The following NPTN variants were observed in gnomAD, a reference collection of about 807,000 sequenced individuals.
The protein encoded by NPTN is neuroplastin, also known as SDR-1.
In NPTN, 5 loss-of-function variants were observed where a neutral mutation model predicts 42.7. That is an observed-to-expected ratio of 0.12 (90% CI 0.06 to 0.25). The LOEUF (loss-of-function observed/expected upper bound fraction) is 0.25. NPTN is among the 10% of genes least tolerant of loss of function. The pLI is 1.00. For missense variants in NPTN, 307 were observed against 525.4 expected (o/e 0.58, Z 4.06); for synonymous variants, 180 against 201.9 (o/e 0.89, Z 0.92).
At position 73,569,577 on chromosome 15, in the gene NPTN, G is replaced by A. The variant is rs1375852887; in HGVS notation, c.1114+573C>T. On this transcript the variant is annotated intron_variant, in intron 6 of 8. Coordinates refer to ENST00000345330, the MANE Select transcript of NPTN (RefSeq NM_012428.4). This position sits in a 1 kb window ranked among gnomAD's most constrained non-coding sequence, Gnocchi z 4.1. ...GGAAAGCCACCCAGCAGAGAGCGCT[G>A]GAAACCTATCAAAGGGACCAACCAA... 7 of 985,306 alleles carry A rather than the reference G, an allele frequency of 7.1e-6. No homozygotes were observed. The highest frequency in any genetic ancestry group is 4.7e-5 in the South Asian group (1 of 21,290). 61.0% of individuals were successfully genotyped at this position (985,306 alleles called of 1,614,324 possible). A position where few individuals can be genotyped will look rare whatever the true frequency, so the allele number is the denominator to read the frequency against.
chr15:73,605,029 T>A (rs1421030013), intron 1 of NPTN, among the ~76,000 whole-genome samples: 1 of 149,900 alleles, frequency 6.7e-6, no homozygotes, highest in Non-Finnish European at 1.5e-5. Context: ...GCCTGAGAGG[T>A]TGAGGCTGCA....
chr15:73,564,983 C>T (rs1169742504), intron 6 of NPTN, among the ~76,000 whole-genome samples: 2 of 152,200 alleles, frequency 1.3e-5, no homozygotes, highest in East Asian at 3.9e-4. Flanking sequence ...TAGGCACCAA[C>T]CCAAGCACCT....
In NPTN at chr15:73,587,810, C is replaced by T. The variant is rs191400318; in HGVS notation, c.612-192G>A. 3.5e-4 allele frequency among the ~76,000 whole-genome samples: 54 copies of T among 152,162 alleles called. No homozygotes were observed. Among genetic ancestry groups the T allele is most frequent in the Non-Finnish European group, 7.4e-4 (50 of 68,008 alleles). On this transcript the variant is annotated intron_variant, in intron 3 of 8. Transcript: ENST00000345330. ...TAATGTCTTGCTCTTTTCCAGGTGC[C>T]AAGAATACAAAGATGGAATGGCAAC...
At chr15:73,612,395 G>C (rs1452798315) in intron 1 of NPTN, among the ~76,000 whole-genome samples, 1 of 147,098 alleles carries the variant, frequency 6.8e-6, no homozygotes, top group African/African-American at 2.5e-5. Flanking sequence ...CTCTAACCTA[G>C]GCCCACAGAG....
At chr15:73,602,963 A>G (rs74026221) in intron 1 of NPTN, among the ~76,000 whole-genome samples, 1 of 152,354 alleles carries the variant, frequency 6.6e-6, no homozygotes, top group African/African-American at 2.4e-5. Context: ...CATCTATACC[A>G]GCCAGCCTTC....
chr15:73,605,099 A>G (rs1449263603), intron 1 of NPTN, among the ~76,000 whole-genome samples: 3 of 121,686 alleles, frequency 2.5e-5, no homozygotes, highest in African/African-American at 1.1e-4. Flanking sequence ...CCCTGTCTCA[A>G]GGGGGGGGGG....
intron 1 of NPTN, among the ~76,000 whole-genome samples, chr15:73,613,569 T>TAA (rs1468338445): frequency 6.6e-6 from 1 of 151,112 alleles, no homozygotes; most frequent in African/African-American, 2.4e-5. Context: ...AAACTCTGGT[T>TAA]AAAAAAAAAC....
intron 1 of NPTN, among the ~76,000 whole-genome samples, chr15:73,630,711 G>C (rs1898690059): frequency 6.6e-6 from 1 of 152,114 alleles, no homozygotes; most frequent in South Asian, 2.1e-4. Context: ...CATTTAAATA[G>C]AAAATCTAAC....
At chr15:73,561,400 G>A (rs1022703428) in intron 8 of NPTN, among the ~76,000 whole-genome samples, 5 of 152,130 alleles carry the variant, frequency 3.3e-5, no homozygotes, top group South Asian at 2.1e-4. Flanking sequence ...ACCTGATGGC[G>A]GGGCACACTG....
chr15:73,571,451 TAAG>T (rs1895378439), intron 5 of NPTN, among the ~76,000 whole-genome samples: 1 of 152,116 alleles, frequency 6.6e-6, no homozygotes, highest in African/African-American at 2.4e-5. Flanking sequence ...AGGAATGTGT[TAAG>T]AAGCCCCAAC....
rs368867948 is a variant in NPTN, at chr15:73,573,774, T to C, written c.728A>G (p.His243Arg). 11 of 1,604,234 alleles carry C rather than the reference T, an allele frequency of 6.9e-6. No individual in the cohort carries two copies. The highest frequency in any genetic ancestry group is 1.7e-5 in the Admixed American group (1 of 58,422). The change falls in exon 5 of 9, where the codon CAT (histidine) becomes CGT (arginine). Residue 243 changes from histidine to arginine, a missense_variant. Around this residue, in one of 2 missense-constraint regions of NPTN, gnomAD observed 264 missense variants for 491.1 expected, o/e 0.54. Coordinates refer to ENST00000345330, the MANE Select transcript of NPTN (RefSeq NM_012428.4). ...EVKAAPDITG[H>R]KRSENKNEGQ... ...TTCATTCTTGTTCTCACTCCGTTTATGGCCAGTGATGTCAGGAGCGGCTGT... is the reference window on the plus strand; with the variant it reads ...TTCATTCTTGTTCTCACTCCGTTTACGGCCAGTGATGTCAGGAGCGGCTGT...
chr15:73,610,924 T>TA (rs1279762117), intron 1 of NPTN, among the ~76,000 whole-genome samples: 2 of 151,964 alleles, frequency 1.3e-5, no homozygotes, highest in African/African-American at 2.4e-5. Flanking sequence ...TTTCTCAATT[T>TA]AAAAAAAATT....
At chr15:73,567,953 T>C (rs768978654) in intron 6 of NPTN, 133 of 985,338 alleles carry the variant, frequency 1.3e-4, no homozygotes, top group Non-Finnish European at 1.6e-4. Context: ...TACCCTGCCG[T>C]CATCTCTTTT....
chr15:73,582,315 T>G (rs1407603587), intron 4 of NPTN, among the ~76,000 whole-genome samples: 1 of 152,188 alleles, frequency 6.6e-6, no homozygotes, highest in African/African-American at 2.4e-5. Context: ...CCTATCTTTG[T>G]GGTGGACAAA....
chr15:73,581,744 G>A (rs1459818671), intron 4 of NPTN, among the ~76,000 whole-genome samples: 3 of 152,136 alleles, frequency 2.0e-5, no homozygotes, highest in Non-Finnish European at 4.4e-5. Flanking sequence ...ATGGAGGCAC[G>A]TTTCAGATGA....
chr15:73,592,956 G>C (rs1227935008), intron 2 of NPTN, among the ~76,000 whole-genome samples: 1 of 152,106 alleles, frequency 6.6e-6, no homozygotes, highest in African/African-American at 2.4e-5. Flanking sequence ...ATTTGTGCAA[G>C]GCCGTAAGTA....
At chr15:73,626,091 C>T (rs1042246559) in intron 1 of NPTN, among the ~76,000 whole-genome samples, 3 of 152,148 alleles carry the variant, frequency 2.0e-5, no homozygotes, top group African/African-American at 7.2e-5. Flanking sequence ...GAAACTAACT[C>T]ATATATAGAA....
chr15:73,567,797 G>A (rs1365872376), intron 6 of NPTN: 1 of 985,412 alleles, frequency 1.0e-6, no homozygotes, highest in East Asian at 1.1e-4. Context: ...CACACTGGCT[G>A]TCAGGAAGGG....
At chr15:73,564,949 T>G (rs185710509) in intron 6 of NPTN, among the ~76,000 whole-genome samples, 45 of 152,308 alleles carry the variant, frequency 3.0e-4, no homozygotes, top group Admixed American at 1.9e-3. Flanking sequence ...ATAGCCAGGC[T>G]AATCTTTTCA....
Sources: allele counts gnomAD v4.1 joint callset (sites outside exome capture counted in the v4.1 genomes callset), GRCh38; gene constraint gnomAD v4.1.1; regional missense constraint gnomAD v4.1.1; non-coding constraint Gnocchi (gnomAD v3.1); transcripts MANE v1.5; gene names NCBI Gene and HGNC (gene_info 2026-07-23, HGNC 2026-07-21).